PARD3: variants seen among roughly 807,000 people sequenced by gnomAD.
PARD3 encodes the protein par-3 family cell polarity regulator.
PARD3 carries 75 observed loss-of-function variants against 155.4 expected under a neutral mutation model. That is an observed-to-expected ratio of 0.48 (90% CI 0.40 to 0.58). The LOEUF (loss-of-function observed/expected upper bound fraction) is 0.58. Among genes scored for constraint, PARD3 ranks in the 20% least tolerant of loss-of-function variants. The pLI is 0.00. For synonymous variants in PARD3, 576 were observed against 610.5 expected, an observed-to-expected ratio of 0.94 and a Z score of 0.83; for missense variants, 1,642 against 1,721.7, an observed-to-expected ratio of 0.95 and a Z score of 0.82.
At chr10:34,478,406 C>T (rs12250391) in intron 3 of PARD3, among the ~76,000 whole-genome samples, 4,661 of 152,142 alleles carry the variant, frequency 0.031, 236 homozygotes, top group African/African-American at 0.11. Context: ...GTACAAGATG[C>T]CTATATGTTG....
chr10:34,641,775 T>G (rs114116646), intron 2 of PARD3, among the ~76,000 whole-genome samples: 4,173 of 152,278 alleles, frequency 0.027, 202 homozygotes, highest in African/African-American at 0.095. Flanking sequence ...CTGGGAGGCA[T>G]GCGCCTCGTG....
intron 1 of PARD3, among the ~76,000 whole-genome samples, chr10:34,736,851 A>T (rs2094925316): frequency 6.6e-6 from 1 of 151,600 alleles, no homozygotes; most frequent in Non-Finnish European, 1.5e-5. Context: ...TAATTTTTGT[A>T]TTTTTAGTAG....
chr10:34,455,681 T>C (rs899474176), intron 4 of PARD3, among the ~76,000 whole-genome samples: 1 of 152,160 alleles, frequency 6.6e-6, no homozygotes, highest in Non-Finnish European at 1.5e-5. Flanking sequence ...GCAGAAAATT[T>C]TGGCAGTTCC....
chr10:34,379,703 A>G (rs1841630958), intron 9 of PARD3, among the ~76,000 whole-genome samples: 1 of 152,228 alleles, frequency 6.6e-6, no homozygotes, highest in African/African-American at 2.4e-5. Context: ...ATCAATTTTC[A>G]TTTAACAAAG....
intron 1 of PARD3, among the ~76,000 whole-genome samples, chr10:34,717,331 TAAAC>T (rs2094536361): frequency 6.6e-6 from 1 of 152,124 alleles, no homozygotes. Flanking sequence ...TCAGAAAAAT[TAAAC>T]AAACTCCAGG....
At chr10:34,362,691 C>T (rs1444616982) in intron 12 of PARD3, among the ~76,000 whole-genome samples, 1 of 152,160 alleles carries the variant, frequency 6.6e-6, no homozygotes, top group African/African-American at 2.4e-5. Flanking sequence ...GATGGGGTTT[C>T]ACCATGTTGG....
intron 19 of PARD3, among the ~76,000 whole-genome samples, chr10:34,327,068 T>A (rs1044407223): frequency 2.6e-5 from 4 of 152,202 alleles, no homozygotes; most frequent in African/African-American, 7.2e-5. Flanking sequence ...ATGTATTTTT[T>A]AAAAGAAAAC....
intron 22 of PARD3, among the ~76,000 whole-genome samples, chr10:34,199,780 A>G (rs951707469): frequency 1.3e-5 from 2 of 152,170 alleles, no homozygotes; most frequent in African/African-American, 4.8e-5. Context: ...AACCGGAGAA[A>G]TCAGTAACTG....
At chr10:34,277,581 A>T (rs1298406780) in intron 21 of PARD3, among the ~76,000 whole-genome samples, 1 of 152,176 alleles carries the variant, frequency 6.6e-6, no homozygotes, top group African/African-American at 2.4e-5. Context: ...AATTTTCTTG[A>T]GTGAAAACAA....
At chr10:34,464,991 G>T (rs2077914565) in intron 4 of PARD3, among the ~76,000 whole-genome samples, 1 of 152,114 alleles carries the variant, frequency 6.6e-6, no homozygotes, top group Admixed American at 6.5e-5. Flanking sequence ...ACATAAAATG[G>T]TGGACTACTG....
chr10:34,781,740 C>T (rs1219929345), intron 1 of PARD3, among the ~76,000 whole-genome samples: 1 of 152,158 alleles, frequency 6.6e-6, no homozygotes, highest in African/African-American at 2.4e-5. Context: ...GCACTATACA[C>T]AGAGTGTAAA....
chr10:34,478,052 A>C (rs1447954839), intron 3 of PARD3, among the ~76,000 whole-genome samples: 1 of 152,256 alleles, frequency 6.6e-6, no homozygotes, highest in African/African-American at 2.4e-5. Flanking sequence ...ATTTCCTAGA[A>C]TCTTTGGAAG....
chr10:34,434,103 G>C (rs750395788), intron 5 of PARD3, among the ~76,000 whole-genome samples: 2 of 152,170 alleles, frequency 1.3e-5, no homozygotes, highest in Non-Finnish European at 2.9e-5. Context: ...CAGGTGGCAG[G>C]AGATCAGAAC....
rs533562110 is a variant in PARD3, at chr10:34,808,966, C to T, written c.120+5910G>A. ...CATAGGTGTGTTCCAGGGCCAGATT[C>T]TCACACAGCCCTGGCCACCTGCCTT... On this transcript the variant is annotated intron_variant, in intron 1 of 24. Coordinates refer to ENST00000374788, the MANE Select transcript of PARD3 (RefSeq NM_001184785.2). 1.4e-4 allele frequency among the ~76,000 whole-genome samples: 22 copies of T among 152,334 alleles called. No individual in the cohort carries two copies. In the East Asian group the frequency reaches 4.3e-3, roughly 29 times the overall value.
At chr10:34,756,405 G>A (rs1396307511) in intron 1 of PARD3, among the ~76,000 whole-genome samples, 1 of 147,206 alleles carries the variant, frequency 6.8e-6, no homozygotes, top group Non-Finnish European at 1.5e-5. Context: ...TGCCCGCCTC[G>A]GCCTCCCAAA....
intron 1 of PARD3, among the ~76,000 whole-genome samples, chr10:34,723,536 C>T (rs1564547597): frequency 1.3e-5 from 2 of 152,132 alleles, no homozygotes; most frequent in African/African-American, 4.8e-5. Context: ...CTGATAAGAT[C>T]ATAAACTTCT....
intron 1 of PARD3, among the ~76,000 whole-genome samples, chr10:34,760,249 T>C (rs1378695909): frequency 3.9e-5 from 6 of 152,150 alleles, no homozygotes; most frequent in Admixed American, 3.9e-4. Flanking sequence ...CTCCAGCTCC[T>C]GGACTCAAGT....
At chr10:34,727,814 C>CCACACACACA (rs140873851) in intron 1 of PARD3, among the ~76,000 whole-genome samples, 7 of 142,602 alleles carry the variant, frequency 4.9e-5, no homozygotes, top group Admixed American at 2.1e-4. Context: ...CCTCCCTCCA[C>CCACACACACA]CACACACACA....
At chr10:34,297,881 G>A (rs570369311) in intron 20 of PARD3, among the ~76,000 whole-genome samples, 4 of 152,256 alleles carry the variant, frequency 2.6e-5, no homozygotes, top group East Asian at 3.9e-4. Flanking sequence ...GTACCTATTC[G>A]GGATTTAAAC....
Sources: gnomAD v4.1 joint callset for allele counts (sites outside exome capture counted in the v4.1 genomes callset) on GRCh38, gnomAD v4.1.1 for gene constraint, MANE v1.5 for transcripts, NCBI Gene and HGNC (gene_info 2026-07-23, HGNC 2026-07-21) for gene names.